AP2B1: variants seen among roughly 807,000 people sequenced by gnomAD.
The protein encoded by AP2B1 is adaptor related protein complex 2 subunit beta 1, also known as AP-2 complex subunit beta.
Under a neutral mutation model 102.0 loss-of-function variants are expected in AP2B1, and 23 were observed. The ratio of observed to expected loss-of-function variants is 0.23; its 90% confidence interval spans 0.16 to 0.32. AP2B1 has a LOEUF of 0.32. Ranked by LOEUF, AP2B1 falls within the 10% of genes least tolerant of loss-of-function variation. AP2B1 has a pLI of 1.00. For synonymous variants in AP2B1, 381 were observed against 421.2 expected (o/e 0.90, Z 1.17); for missense variants, 541 against 1,157.4 (o/e 0.47, Z 7.73).
chr17:35,640,871 G>A (rs1212768155), intron 11 of AP2B1, among the ~76,000 whole-genome samples: 1 of 152,116 alleles, frequency 6.6e-6, no homozygotes, highest in Non-Finnish European at 1.5e-5. Flanking sequence ...AGGGATTTTC[G>A]CTAGAGGCTG....
chr17:35,687,151 C>T (rs2075953230), intron 18 of AP2B1, among the ~76,000 whole-genome samples: 1 of 152,148 alleles, frequency 6.6e-6, no homozygotes, highest in South Asian at 2.1e-4. Flanking sequence ...TAGGGTCTCA[C>T]TCTGTCACCC....
chr17:35,718,967 G>C (rs181091487), intron 21 of AP2B1, among the ~76,000 whole-genome samples: 77 of 152,146 alleles, frequency 5.1e-4, no homozygotes, highest in African/African-American at 1.8e-3. Flanking sequence ...GGTGTTTCTT[G>C]ACACTCTTCT....
At chr17:35,605,124 G>A (rs1172104211) in intron 3 of AP2B1, among the ~76,000 whole-genome samples, 1 of 152,032 alleles carries the variant, frequency 6.6e-6, no homozygotes, top group East Asian at 1.9e-4. Context: ...GGCTGGCCTT[G>A]AACACCTGGT....
chr17:35,688,754 AG>A (rs1272536087), intron 18 of AP2B1, among the ~76,000 whole-genome samples: 13 of 152,312 alleles, frequency 8.5e-5, no homozygotes, highest in African/African-American at 2.9e-4. Context: ...ACTTAAGGCC[AG>A]GAGTCCAAGA....
intron 18 of AP2B1, 52 bp from the exon 19 acceptor site, chr17:35,709,172 C>T: frequency 6.6e-7 from 1 of 1,506,942 alleles, no homozygotes; most frequent in Non-Finnish European, 9.2e-7. Flanking sequence ...TTCTTTTCCT[C>T]CTACCTGGCT....
intron 20 of AP2B1, among the ~76,000 whole-genome samples, chr17:35,716,915 T>C (rs1468442018): frequency 1.3e-5 from 2 of 152,230 alleles, no homozygotes; most frequent in African/African-American, 4.8e-5. Context: ...GCCAGCTCCT[T>C]AGGCCCACCA....
At chr17:35,670,938 C>T (rs369409530) in intron 15 of AP2B1, 40 bp downstream of exon 15, 5 of 1,608,060 alleles carry the variant, frequency 3.1e-6, no homozygotes, top group African/African-American at 1.3e-5. Flanking sequence ...GAAGCACTGC[C>T]CCCTGTTTGA....
chr17:35,603,363 T>C (rs1271995766), intron 3 of AP2B1, among the ~76,000 whole-genome samples: 1 of 152,218 alleles, frequency 6.6e-6, no homozygotes, highest in East Asian at 1.9e-4. Flanking sequence ...AGTTATCCTA[T>C]ATTGTAAAGA....
At chr17:35,636,578 C>A in intron 10 of AP2B1, 122 bp downstream of exon 10, 1 of 600,928 alleles carries the variant, frequency 1.7e-6, no homozygotes. Flanking sequence ...GATACTTTAT[C>A]AAAAATCGGA....
chr17:35,681,580 T>C (rs752865219), intron 17 of AP2B1, among the ~76,000 whole-genome samples: 12 of 152,080 alleles, frequency 7.9e-5, no homozygotes, highest in Non-Finnish European at 1.6e-4. Flanking sequence ...ATTTGTTTTC[T>C]TTTATTACTT....
At chr17:35,637,178 C>G (rs567333314) in intron 10 of AP2B1, among the ~76,000 whole-genome samples, 2 of 152,122 alleles carry the variant, frequency 1.3e-5, no homozygotes, top group African/African-American at 4.8e-5. Flanking sequence ...TTGCCTTACA[C>G]TCATAGAGCT....
intron 20 of AP2B1, among the ~76,000 whole-genome samples, chr17:35,714,165 T>TC (rs1293947603): frequency 6.6e-6 from 1 of 152,228 alleles, no homozygotes; most frequent in Non-Finnish European, 1.5e-5. Flanking sequence ...AAATATTTGT[T>TC]CCAGCATGGG....
chr17:35,616,647 A>G (rs1410908826), intron 5 of AP2B1, among the ~76,000 whole-genome samples: 1 of 152,216 alleles, frequency 6.6e-6, no homozygotes, highest in Non-Finnish European at 1.5e-5. Flanking sequence ...CCAAAGTAGA[A>G]TTTCACCAGT....
intron 5 of AP2B1, among the ~76,000 whole-genome samples, chr17:35,616,181 T>G (rs867063122): frequency 9.8e-6 from 1 of 101,708 alleles, no homozygotes; most frequent in East Asian, 3.2e-4. Context: ...TTTTTTTTTT[T>G]GGAGACGGAG....
At chr17:35,606,585 A>G (rs913297147) in intron 4 of AP2B1, among the ~76,000 whole-genome samples, 1 of 152,090 alleles carries the variant, frequency 6.6e-6, no homozygotes, top group African/African-American at 2.4e-5. Context: ...TTCAAGAAAA[A>G]GGACTAGTAT....
chr17:35,596,047 A>G (rs1158671342), intron 2 of AP2B1, among the ~76,000 whole-genome samples: 4 of 152,164 alleles, frequency 2.6e-5, no homozygotes, highest in African/African-American at 4.8e-5. Context: ...AATAAACATC[A>G]TACTTAAAAA....
chr17:35,643,849 C>G (rs772279419), intron 12 of AP2B1, among the ~76,000 whole-genome samples: 3 of 152,192 alleles, frequency 2.0e-5, no homozygotes, highest in Non-Finnish European at 4.4e-5. Context: ...GAAGCCCCAT[C>G]AAATTTCTAA....
At chr17:35,680,686 G>GTTTTTTTTTTTTTT (rs1167550201) in intron 17 of AP2B1, among the ~76,000 whole-genome samples, 9 of 59,932 alleles carry the variant, frequency 1.5e-4, no homozygotes, top group African/African-American at 5.2e-4. Context: ...TATGGTTTTG[G>GTTTTTTTTTTTTTT]TTTTTTTTTT....
chr17:35,588,172 A>G lies in AP2B1; in HGVS notation c.-24+744A>G, dbSNP rs531392661. Among the ~76,000 whole-genome samples the G allele has an allele frequency of 5.0e-5, 6 of 121,140 alleles. No homozygotes were observed. The South Asian group carries it at 7.7e-4, about 16-fold the overall frequency. 79.5% of individuals were successfully genotyped at this position (121,140 alleles called of 152,430 possible). A position where few individuals can be genotyped will look rare whatever the true frequency, so the allele number is the denominator to read the frequency against. Reference sequence around the variant, plus strand: ...AACTGGAACGTCCTGTTATTTCCTTATCATTTGAATCCAAATCATTTGTTC... The same window carrying G: ...AACTGGAACGTCCTGTTATTTCCTTGTCATTTGAATCCAAATCATTTGTTC... On this transcript the variant is annotated intron_variant, in intron 1 of 21. Coordinates refer to ENST00000610402, the MANE Select transcript of AP2B1 (RefSeq NM_001030006.2).
Sources: gnomAD v4.1 joint callset for allele counts (sites outside exome capture counted in the v4.1 genomes callset) on GRCh38, gnomAD v4.1.1 for gene constraint, MANE v1.5 for transcripts, NCBI Gene and HGNC (gene_info 2026-07-23, HGNC 2026-07-21) for gene names.